The following ACER3 variants were observed in gnomAD, a reference collection of about 807,000 sequenced individuals.
ACER3 encodes alkaline ceramidase 3, also known as alkCDase 3.
A neutral mutation model predicts 48.9 loss-of-function variants in ACER3; 16 were observed. That is an observed-to-expected ratio of 0.33 (90% CI 0.22 to 0.50). ACER3 has a LOEUF of 0.50. ACER3 is among the 20% of genes least tolerant of loss of function. ACER3 has a pLI of 0.98. For missense variants in ACER3, 227 were observed against 326.0 expected (o/e 0.70, Z 2.34); for synonymous variants, 109 against 107.8 (o/e 1.01, Z -0.07).
intron 1 of ACER3, among the ~76,000 whole-genome samples, chr11:76,904,520 T>A (rs894436552): frequency 1.3e-4 from 20 of 152,216 alleles, no homozygotes; most frequent in African/African-American, 4.8e-4. Context: ...CTCCCTAAAT[T>A]GTATAAAGCC....
At chr11:76,944,790 A>T (rs1302358360) in intron 2 of ACER3, among the ~76,000 whole-genome samples, 3 of 152,102 alleles carry the variant, frequency 2.0e-5, no homozygotes, top group African/African-American at 2.4e-5. Context: ...ATTTCCTTAA[A>T]TATGTTTTCT....
chr11:76,884,887 T>C (rs757718619), intron 1 of ACER3, among the ~76,000 whole-genome samples: 2 of 151,994 alleles, frequency 1.3e-5, no homozygotes, highest in Non-Finnish European at 2.9e-5. Flanking sequence ...CCTCAGCCTC[T>C]GGGATAGCTA....
At position 76,986,247 on chromosome 11, in the gene ACER3, A is replaced by T. The variant is rs549070329; in HGVS notation, c.402+523A>T. ...ACTAGAAATACAGAGATGATTAAAA[A>T]GCAGTTGCTATCTGTGAGGAGCTCA... On this transcript the variant is annotated intron_variant, in intron 5 of 10. Transcript: ENST00000532485. Among the ~76,000 whole-genome samples the T allele has an allele frequency of 6.3e-4, 96 of 152,370 alleles. 1 individual carries two copies. Among genetic ancestry groups the T allele is most frequent in the Non-Finnish European group, 9.8e-4 (67 of 68,042 alleles).
chr11:76,917,928 T>G (rs531554256), intron 1 of ACER3, among the ~76,000 whole-genome samples: 11 of 152,024 alleles, frequency 7.2e-5, no homozygotes, highest in African/African-American at 2.4e-4. Context: ...AAATCCCACA[T>G]TCCTGCATAT....
chr11:76,862,314 A>G (rs1304992850), intron 1 of ACER3, among the ~76,000 whole-genome samples: 1 of 151,604 alleles, frequency 6.6e-6, no homozygotes, highest in African/African-American at 2.4e-5. Flanking sequence ...CACTTTTTGC[A>G]GTTTTCAGGA....
chr11:76,985,598 T>G (rs867663483), intron 4 of ACER3, 45 bp from the exon 5 acceptor site: 2 of 1,213,922 alleles, frequency 1.6e-6, no homozygotes, highest in Middle Eastern at 2.7e-4. Flanking sequence ...TTTATGTTCC[T>G]ACTTATATAT....
chr11:76,937,223 A>G (rs962438035), intron 2 of ACER3, among the ~76,000 whole-genome samples: 2 of 152,228 alleles, frequency 1.3e-5, no homozygotes, highest in African/African-American at 2.4e-5. Flanking sequence ...CAGACTCTTG[A>G]CAACACTATT....
intron 1 of ACER3, chr11:76,868,375 ATCTC>A (rs751868659): frequency 0.06 from 28,467 of 470,590 alleles, 4,703 homozygotes; most frequent in Non-Finnish European, 0.073. Context: ...TAGTTTTAAT[ATCTC>A]TCTCTCTCTC....
rs1491403985 is a variant in ACER3 at position 77,005,992 on chromosome 11, T to TATA, written c.497+7171_497+7172insATA. Among the ~76,000 whole-genome samples the TATA allele has an allele frequency of 4.5e-3, 318 of 70,532 alleles. 3 individuals carry two copies. Among genetic ancestry groups the TATA allele is most frequent in the African/African-American group, 0.016 (294 of 18,202 alleles). 46.3% of individuals were successfully genotyped at this position (70,532 alleles called of 152,430 possible). A position where few individuals can be genotyped will look rare whatever the true frequency, so the allele number is the denominator to read the frequency against. Reference sequence around the variant, plus strand: ...ATATACATATATATATATATATATATTTTTTTTTTTTTTTGAGCCAGAGTT... The same window carrying TATA: ...ATATACATATATATATATATATATATATATTTTTTTTTTTTTTGAGCCAGAGTT... On this transcript the variant is annotated intron_variant, in intron 7 of 10. Coordinates refer to ENST00000532485, the MANE Select transcript of ACER3 (RefSeq NM_018367.7).
intron 1 of ACER3, among the ~76,000 whole-genome samples, chr11:76,903,695 C>T (rs1217615589): frequency 5.3e-5 from 8 of 152,066 alleles, no homozygotes; most frequent in Admixed American, 5.2e-4. Flanking sequence ...TCTGTTATAG[C>T]ATCACATGGT....
At chr11:76,928,432 G>A (rs1411700852) in intron 2 of ACER3, among the ~76,000 whole-genome samples, 1 of 152,154 alleles carries the variant, frequency 6.6e-6, no homozygotes, top group Non-Finnish European at 1.5e-5. Context: ...TCTGATGATA[G>A]TTTCTTTTGC....
Position 77,005,719 on chromosome 11 carries a change from A to T in ACER3, c.497+6898A>T, listed in dbSNP as rs1327049794. On this transcript the variant is annotated intron_variant, in intron 7 of 10. Transcript: ENST00000532485. ...TCTCCCCATGTCTCTGTGTCTTCACATAGCTATCTTCTTATAAGGACACCA... is the reference window on the plus strand; with the variant it reads ...TCTCCCCATGTCTCTGTGTCTTCACTTAGCTATCTTCTTATAAGGACACCA... Among the ~76,000 whole-genome samples the T allele has an allele frequency of 2.0e-5, 3 of 151,924 alleles. No individual in the cohort carries two copies. In the East Asian group the frequency reaches 5.8e-4, roughly 29 times the overall value.
At chr11:77,010,895 C>G (rs1555022035) in intron 7 of ACER3, among the ~76,000 whole-genome samples, 1 of 152,194 alleles carries the variant, frequency 6.6e-6, no homozygotes. Context: ...CAGTAAAATA[C>G]AGAGAAAAAT....
rs1321791493 is a variant in ACER3, at chr11:77,023,106, C to T, written c.*2779C>T. On this transcript the variant is annotated 3_prime_UTR_variant, in exon 11 of 11. Coordinates refer to ENST00000532485, the MANE Select transcript of ACER3 (RefSeq NM_018367.7). ...CACCATGGTGTTTCATGAAACATCC[C>T]CACCACCTGAAGTGATCTTTTTAAT... 1.5e-5 allele frequency: 6 copies of T among 398,446 alleles called. No individual in the cohort carries two copies. The highest frequency in any genetic ancestry group is 2.7e-5 in the Non-Finnish European group (6 of 226,062). The allele number at this position is 398,446 out of a possible 1,614,324, so 24.7% of individuals were successfully genotyped here.
chr11:76,963,979 G>A (rs576306664), intron 3 of ACER3, among the ~76,000 whole-genome samples: 3 of 151,570 alleles, frequency 2.0e-5, no homozygotes, highest in East Asian at 1.9e-4. Flanking sequence ...AGGTCAGTGG[G>A]TGCAGTGCAT....
intron 1 of ACER3, among the ~76,000 whole-genome samples, chr11:76,864,464 ATATT>A (rs1166351538): frequency 2.0e-5 from 3 of 152,202 alleles, no homozygotes; most frequent in South Asian, 2.1e-4. Context: ...AAAAGTAAGC[ATATT>A]TATTTAGTAT....
rs1555025173 is a variant in ACER3, at chr11:77,024,256, G to A, written c.*3929G>A. 1.2e-5 allele frequency: 1 copy of A among 85,000 alleles called. No homozygotes were observed. The highest frequency in any genetic ancestry group is 3.4e-5 in the African/African-American group (1 of 29,122). The allele number at this position is 85,000 out of a possible 1,614,324, so 5.3% of individuals were successfully genotyped here. ...TGTACTCCAGCCAGCCTGGGCAACA[G>A]AGTGAGACCCTGTCTCAAAAAAAAA... On this transcript the variant is annotated 3_prime_UTR_variant, in exon 11 of 11. Coordinates refer to ENST00000532485, the MANE Select transcript of ACER3 (RefSeq NM_018367.7).
intron 4 of ACER3, among the ~76,000 whole-genome samples, chr11:76,979,202 A>C (rs1948522111): frequency 6.6e-6 from 1 of 152,362 alleles, no homozygotes; most frequent in African/African-American, 2.4e-5. Context: ...GTGGAGCCAC[A>C]ATTCAAAGCA....
intron 1 of ACER3, among the ~76,000 whole-genome samples, chr11:76,885,864 G>T (rs1465394317): frequency 6.6e-6 from 1 of 152,144 alleles, no homozygotes; most frequent in Non-Finnish European, 1.5e-5. Flanking sequence ...GGTAAGCAAG[G>T]CCCCAGATGC....
Sources: gnomAD v4.1 joint callset for allele counts (sites outside exome capture counted in the v4.1 genomes callset) on GRCh38, gnomAD v4.1.1 for gene constraint, MANE v1.5 for transcripts, NCBI Gene and HGNC (gene_info 2026-07-23, HGNC 2026-07-21) for gene names.